ST18: variants seen among roughly 807,000 people sequenced by gnomAD.
The protein encoded by ST18 is ST18 C2H2C-type zinc finger transcription factor, also known as suppression of tumorigenicity 18 protein.
In ST18, 50 loss-of-function variants were observed where a neutral mutation model predicts 110.0. The ratio of observed to expected loss-of-function variants is 0.45; its 90% confidence interval spans 0.36 to 0.58. ST18 has a LOEUF of 0.58. ST18 is among the 20% of genes least tolerant of loss of function. ST18 has a pLI of 0.00. For missense variants in ST18, 1,306 were observed against 1,280.1 expected (o/e 1.02, Z -0.31); for synonymous variants, 461 against 452.4 (o/e 1.02, Z -0.24).
chr8:52,185,552 G>T (rs977204222), intron 8 of ST18, among the ~76,000 whole-genome samples: 3 of 152,128 alleles, frequency 2.0e-5, no homozygotes, highest in Middle Eastern at 6.8e-3. Context: ...CTGAGATGAG[G>T]TATTATTGGT....
At chr8:52,353,607 T>A (rs942463636) in intron 2 of ST18, among the ~76,000 whole-genome samples, 7 of 152,232 alleles carry the variant, frequency 4.6e-5, no homozygotes, top group African/African-American at 1.7e-4. Context: ...AAAGTGAATG[T>A]ATTATTATGA....
At chr8:52,180,056 A>T in intron 9 of ST18, 66 bp downstream of exon 9, 1 of 1,507,398 alleles carries the variant, frequency 6.6e-7, no homozygotes, top group Non-Finnish European at 9.1e-7. Context: ...CACACACTCT[A>T]CATGAATTAG....
intron 2 of ST18, among the ~76,000 whole-genome samples, chr8:52,241,295 C>T (rs1335809347): frequency 2.0e-5 from 3 of 152,204 alleles, no homozygotes; most frequent in South Asian, 4.1e-4. Flanking sequence ...TCCTTAAATG[C>T]CTCTTCTATA....
intron 17 of ST18, among the ~76,000 whole-genome samples, chr8:52,142,059 T>A: frequency 6.6e-6 from 1 of 152,072 alleles, no homozygotes; most frequent in Non-Finnish European, 1.5e-5. Context: ...GGAGATCAGC[T>A]CTGTGGCATC....
At chr8:52,243,475 C>T (rs1464374008) in intron 2 of ST18, among the ~76,000 whole-genome samples, 1 of 152,020 alleles carries the variant, frequency 6.6e-6, no homozygotes, top group Non-Finnish European at 1.5e-5. Context: ...TATTCTGTTC[C>T]CAGAGACCTA....
intron 2 of ST18, among the ~76,000 whole-genome samples, chr8:52,340,472 C>A (rs1368553745): frequency 6.6e-6 from 1 of 152,190 alleles, no homozygotes; most frequent in African/African-American, 2.4e-5. Flanking sequence ...GGCTCTATGA[C>A]CACACGGACA....
At chr8:52,137,620 A>C (rs1586710177) in intron 17 of ST18, 137 bp from the exon 18 acceptor site, 2 of 746,570 alleles carry the variant, frequency 2.7e-6, no homozygotes, top group East Asian at 5.5e-5. Context: ...AAGCTAGTGT[A>C]CCAAGGATTT....
rs115530234 is a variant in ST18 at position 52,313,734 on chromosome 8, G to A, written c.-464-83657C>T. Among the ~76,000 whole-genome samples, 1,031 of 152,262 alleles carry A rather than the reference G, an allele frequency of 6.8e-3. 7 individuals are homozygous for A. Among genetic ancestry groups the A allele is most frequent in the African/African-American group, 0.024 (987 of 41,538 alleles). On this transcript the variant is annotated intron_variant, in intron 2 of 25. Coordinates refer to ENST00000689386, the MANE Select transcript of ST18 (RefSeq NM_001352837.2). ...GGTCACATCATTGGGTAAGCACTGA[G>A]ACCAGCAGAGGCAATGGCTGAGGCT...
In ST18 at chr8:52,191,003, A is replaced by T. The variant is rs2074290993; in HGVS notation, c.87-10691T>A. On this transcript the variant is annotated intron_variant, in intron 8 of 25. Transcript: ENST00000689386. Reference sequence around the variant, plus strand: ...TTCCCACCACTGGGAAGGAAGCATAATATCATATTGGCTATTTTAGGTTCT... The same window carrying T: ...TTCCCACCACTGGGAAGGAAGCATATTATCATATTGGCTATTTTAGGTTCT... 2.0e-5 allele frequency among the ~76,000 whole-genome samples: 3 copies of T among 152,310 alleles called. No homozygotes were observed. In the East Asian group the frequency reaches 5.8e-4, roughly 29 times the overall value.
chr8:52,136,687 C>T (rs777430747), intron 18 of ST18, 29 bp from the exon 19 acceptor site: 3 of 1,570,000 alleles, frequency 1.9e-6, no homozygotes, highest in Non-Finnish European at 2.6e-6. Flanking sequence ...AAAAACACAA[C>T]ACAACACTGA....
At position 52,112,980 on chromosome 8, in the gene ST18, TAAG is replaced by T; in HGVS notation, c.*215_*217del. 2.6e-6 allele frequency: 1 copy of T among 386,906 alleles called. No homozygotes were observed. Among genetic ancestry groups the T allele is most frequent in the Non-Finnish European group, 4.5e-6 (1 of 223,490 alleles). The allele number at this position is 386,906 out of a possible 1,614,324, so 24.0% of individuals were successfully genotyped here. ...TAAAAGAAAAACATATGAAAATAAA[TAAG>T]ATCTAATAATTGACTGCATTGCTTT... On this transcript the variant is annotated 3_prime_UTR_variant, in exon 26 of 26. Transcript: ENST00000689386.
intron 8 of ST18, chr8:52,199,718 T>C (rs2077326911): frequency 6.6e-6 from 1 of 152,202 alleles, no homozygotes; most frequent in South Asian, 2.1e-4. Context: ...ATGCTTCATA[T>C]GTACTCAAGG....
At chr8:52,384,362 C>T (rs748990980) in intron 2 of ST18, among the ~76,000 whole-genome samples, 1 of 152,084 alleles carries the variant, frequency 6.6e-6, no homozygotes, top group Non-Finnish European at 1.5e-5. Flanking sequence ...AGTCAGGGAG[C>T]GCCACAATCC....
At chr8:52,144,776 G>A (rs1466715823) in intron 16 of ST18, among the ~76,000 whole-genome samples, 3 of 152,104 alleles carry the variant, frequency 2.0e-5, no homozygotes, top group African/African-American at 7.2e-5. Context: ...AGAAGTGCTA[G>A]TTTAATGCTG....
intron 2 of ST18, among the ~76,000 whole-genome samples, chr8:52,233,599 C>T (rs992053515): frequency 1.3e-5 from 2 of 151,746 alleles, no homozygotes; most frequent in African/African-American, 2.4e-5. Context: ...GTAAGCGTCT[C>T]TGGTTATTTG....
intron 2 of ST18, among the ~76,000 whole-genome samples, chr8:52,368,218 GA>G (rs576709364): frequency 6.9e-4 from 105 of 151,988 alleles, no homozygotes; most frequent in African/African-American, 2.5e-3. Flanking sequence ...AAAATAGAAG[GA>G]AAAAAACCTA....
intron 2 of ST18, among the ~76,000 whole-genome samples, chr8:52,325,230 A>G (rs966065761): frequency 3.9e-5 from 6 of 152,216 alleles, no homozygotes; most frequent in Non-Finnish European, 7.3e-5. Flanking sequence ...AAAGAAAAAC[A>G]TGAAAAGGAA....
intron 15 of ST18, among the ~76,000 whole-genome samples, chr8:52,156,456 A>G (rs2060042266): frequency 6.6e-6 from 1 of 152,222 alleles, no homozygotes; most frequent in Non-Finnish European, 1.5e-5. Context: ...ATCAAATAAT[A>G]GCAGAGAGAT....
Position 52,337,030 on chromosome 8 carries a change from A to C in ST18, c.-465+72298T>G, listed in dbSNP as rs184786254. On this transcript the variant is annotated intron_variant, in intron 2 of 25. Coordinates refer to ENST00000689386, the MANE Select transcript of ST18 (RefSeq NM_001352837.2). ...AAAAGTAATGCAACCAGTTTCTAAC[A>C]ATCAACTAGTGCTTTCAGAATAACA... Among the ~76,000 whole-genome samples the C allele has an allele frequency of 2.6e-4, 39 of 152,390 alleles. 1 individual carries two copies. In the Middle Eastern group the frequency reaches 0.01, roughly 40 times the overall value.
Sources: allele counts gnomAD v4.1 joint callset (sites outside exome capture counted in the v4.1 genomes callset), GRCh38; gene constraint gnomAD v4.1.1; transcripts MANE v1.5; gene names NCBI Gene and HGNC (gene_info 2026-07-23, HGNC 2026-07-21).